The following VPS53 variants were observed in gnomAD, a reference collection of about 807,000 sequenced individuals.
The protein encoded by VPS53 is vacuolar protein sorting-associated protein 53 homolog.
Under a neutral mutation model 107.0 loss-of-function variants are expected in VPS53, and 70 were observed. The ratio of observed to expected loss-of-function variants is 0.65; its 90% CI spans 0.54 to 0.80. The LOEUF (loss-of-function observed/expected upper bound fraction) is 0.80. Ranked by LOEUF, VPS53 falls within the 30% of genes least tolerant of loss-of-function variation. The pLI, the probability that VPS53 is intolerant of heterozygous loss-of-function variation, is 0.00. For missense variants in VPS53, 917 were observed against 1,049.4 expected (o/e 0.87, Z 1.74); for synonymous variants, 409 against 393.3 (o/e 1.04, Z -0.47).
At chr17:533,842 A>AC (rs1909795024) in intron 18 of VPS53, among the ~76,000 whole-genome samples, 1 of 127,042 alleles carries the variant, frequency 7.9e-6, no homozygotes, top group African/African-American at 2.8e-5. Flanking sequence ...TAAATCATAA[A>AC]CTTTTTTTTT....
In VPS53 at chr17:654,895, C is replaced by T. The variant is rs574853621; in HGVS notation, c.488+943G>A. On this transcript the variant is annotated intron_variant, in intron 6 of 21. Transcript: ENST00000437048. ...GGTTTGGTGGACACCGACCACCCCA[C>T]GAAGGAACAAATGTGACCGCCCTCT... Among the ~76,000 whole-genome samples, 74 of 152,294 alleles carry T rather than the reference C, an allele frequency of 4.9e-4. No individual in the cohort carries two copies. The South Asian group carries it at 9.3e-3, about 19-fold the overall frequency.
intron 11 of VPS53, among the ~76,000 whole-genome samples, chr17:602,107 C>T (rs1394824292): frequency 6.6e-6 from 1 of 152,210 alleles, no homozygotes; most frequent in African/African-American, 2.4e-5. Flanking sequence ...CGCCCCAACT[C>T]GAATCTGGCT....
rs752655697 is a variant in VPS53 at position 515,087 on chromosome 17, T to G, written c.*4041A>C. 13 of 152,172 alleles carry G rather than the reference T, an allele frequency of 8.5e-5. 1 individual carries two copies. The highest frequency in any genetic ancestry group is 1.9e-4 in the African/African-American group (8 of 41,442). 9.4% of individuals were successfully genotyped at this position (152,172 alleles called of 1,614,324 possible). On this transcript the variant is annotated 3_prime_UTR_variant, in exon 22 of 22. Coordinates refer to ENST00000437048, the MANE Select transcript of VPS53 (RefSeq NM_001128159.3). Reference sequence around the variant, plus strand: ...TATTGATTATACAAATTACCACTATTTATTTTAAACCCAAAGTGACTTCAA... The same window carrying G: ...TATTGATTATACAAATTACCACTATGTATTTTAAACCCAAAGTGACTTCAA...
At chr17:550,521 A>G (rs1397289488) in intron 17 of VPS53, among the ~76,000 whole-genome samples, 4 of 152,198 alleles carry the variant, frequency 2.6e-5, no homozygotes, top group African/African-American at 9.6e-5. Flanking sequence ...TTCCAATAAA[A>G]CTTTATTTTC....
chr17:560,528 C>T lies in VPS53; in HGVS notation c.1602G>A (p.Lys534=). Residue 534 remains lysine (K), a synonymous_variant, in exon 15 of 22, where the codon AAG becomes AAA. Coordinates refer to ENST00000437048, the MANE Select transcript of VPS53 (RefSeq NM_001128159.3). The part of the protein sequence containing the change: ...SGGLTISSLL[K]EKEGSEVAKF... ...TGGCTACTTCTGAGCCCTCCTTTTC[C>T]TTGAGGAGGCTGCTGATAGTCAGTC... The T allele has an allele frequency of 6.2e-7, 1 of 1,614,028 alleles. No homozygotes were observed. Among genetic ancestry groups the T allele is most frequent in the Non-Finnish European group, 8.5e-7 (1 of 1,180,008 alleles).
intron 10 of VPS53, among the ~76,000 whole-genome samples, chr17:624,089 C>A (rs368381388): frequency 1.3e-5 from 2 of 151,854 alleles, no homozygotes; most frequent in African/African-American, 4.8e-5. Context: ...AACTCCTGAC[C>A]TCAAGAGATC....
intron 11 of VPS53, among the ~76,000 whole-genome samples, chr17:614,286 C>T: frequency 6.6e-6 from 1 of 152,082 alleles, no homozygotes. Flanking sequence ...TGAGTTATAT[C>T]TCAATTTTAA....
intron 17 of VPS53, among the ~76,000 whole-genome samples, chr17:544,689 A>G (rs997093524): frequency 1.3e-5 from 2 of 152,224 alleles, no homozygotes; most frequent in African/African-American, 2.4e-5. Context: ...CATCTGATGA[A>G]TTTATTGTTA....
chr17:564,878 T>G lies in VPS53; in HGVS notation c.1314-2133A>C, dbSNP rs574398147. Reference sequence around the variant, plus strand: ...ATCACCTGTGAGGATCCAGCAGAGCTGCAGTAACTGCTGCCTGCACAGCTG... The same window carrying G: ...ATCACCTGTGAGGATCCAGCAGAGCGGCAGTAACTGCTGCCTGCACAGCTG... On this transcript the variant is annotated intron_variant, in intron 13 of 21. Transcript: ENST00000437048. Among the ~76,000 whole-genome samples the G allele has an allele frequency of 5.9e-5, 9 of 152,336 alleles. No individual in the cohort carries two copies. In the South Asian group the frequency reaches 1.7e-3, roughly 28 times the overall value.
chr17:599,654 C>G (rs1239329547), intron 12 of VPS53, among the ~76,000 whole-genome samples: 2 of 149,852 alleles, frequency 1.3e-5, no homozygotes, highest in African/African-American at 2.4e-5. Context: ...AACCAGAGAC[C>G]TTTGTTCACT....
At chr17:610,900 T>C (rs1968840315) in intron 11 of VPS53, among the ~76,000 whole-genome samples, 1 of 147,118 alleles carries the variant, frequency 6.8e-6, no homozygotes, top group Admixed American at 6.8e-5. Flanking sequence ...ATCTCACCAC[T>C]GAACTCCAGC....
rs190345264 is a variant in VPS53, at chr17:688,545, C to A, written c.285+8873G>T. Among the ~76,000 whole-genome samples the A allele has an allele frequency of 5.3e-5, 8 of 152,318 alleles. No individual in the cohort carries two copies. The East Asian group carries it at 1.5e-3, about 29-fold the overall frequency. ...ATGGTAGTGAGGCCAAACCCAGTTG[C>A]ACTACATTGTTAAACAGTTAACGGA... On this transcript the variant is annotated intron_variant, in intron 4 of 21. Transcript: ENST00000437048.
chr17:573,811 C>G (rs1408965115), intron 13 of VPS53, among the ~76,000 whole-genome samples: 1 of 152,160 alleles, frequency 6.6e-6, no homozygotes, highest in Non-Finnish European at 1.5e-5. Context: ...TGTTGCGTCT[C>G]TGTCATCTGG....
chr17:691,559 CTGT>C (rs1206422507), intron 4 of VPS53, among the ~76,000 whole-genome samples: 2 of 152,174 alleles, frequency 1.3e-5, no homozygotes, highest in Admixed American at 6.5e-5. Flanking sequence ...TTTTAGCCAC[CTGT>C]AGTTGACTGT....
Position 519,908 on chromosome 17 carries a change from G to A in VPS53, c.2246C>T (p.Pro749Leu), listed in dbSNP as rs929837050. 6 of 1,551,436 alleles carry A rather than the reference G, an allele frequency of 3.9e-6. No homozygotes were observed. The African/African-American group carries it at 4.1e-5, about 11-fold the overall frequency. ...ILKVVMAPHE[P>L]LVVFVDNYIK... ...GTAGTTGTCAACAAACACCACCAAC[G>A]GTTCATGAGGGGCCATCACTACCTA... The change falls in exon 21 of 22, where the codon CCG becomes CTG. Residue 749 changes from proline (P) to leucine (L), a missense_variant. Physicochemically the swap from Pro to Leu is moderately conservative, Grantham distance 98 (BLOSUM62 -3). Transcript: ENST00000437048. This position sits in a 1 kb window ranked among gnomAD's most constrained non-coding sequence, Gnocchi z 5.0.
chr17:702,612 G>A (rs986682929), intron 2 of VPS53, among the ~76,000 whole-genome samples: 1 of 152,132 alleles, frequency 6.6e-6, no homozygotes, highest in African/African-American at 2.4e-5. Context: ...GTTGCGGTGA[G>A]CCGAGATCGC....
chr17:554,551 G>A (rs1358523984), intron 15 of VPS53, among the ~76,000 whole-genome samples: 1 of 152,122 alleles, frequency 6.6e-6, no homozygotes, highest in African/African-American at 2.4e-5. Context: ...CTACAGGCGT[G>A]CATCACCATG....
chr17:667,548 G>T (rs1317007778), intron 4 of VPS53, among the ~76,000 whole-genome samples: 1 of 77,090 alleles, frequency 1.3e-5, no homozygotes, highest in Non-Finnish European at 2.3e-5. Context: ...ATAATGTTCT[G>T]GGGGGGGCAA....
chr17:680,628 G>C (rs1305429945), intron 4 of VPS53, among the ~76,000 whole-genome samples: 1 of 152,206 alleles, frequency 6.6e-6, no homozygotes, highest in Non-Finnish European at 1.5e-5. Flanking sequence ...AGATTGTGAA[G>C]ATCTCTCCTT....
Sources: allele counts gnomAD v4.1 joint callset (sites outside exome capture counted in the v4.1 genomes callset), GRCh38; gene constraint gnomAD v4.1.1; non-coding constraint Gnocchi (gnomAD v3.1); transcripts MANE v1.5; gene names NCBI Gene and HGNC (gene_info 2026-07-23, HGNC 2026-07-21).